Variants in ING5 observed in about 807,000 individuals in gnomAD.
The protein encoded by ING5 is inhibitor of growth family member 5.
Under a neutral mutation model 37.4 loss-of-function variants are expected in ING5, and 17 were observed. That is an observed-to-expected ratio of 0.45 (90% CI 0.31 to 0.68). The LOEUF (loss-of-function observed/expected upper bound fraction) is 0.68. Ranked by LOEUF, ING5 falls within the 30% of genes least tolerant of loss-of-function variation. ING5 has a pLI of 0.05. For synonymous variants in ING5, 123 were observed against 116.6 expected (o/e 1.06, Z -0.36); for missense variants, 233 against 311.9 (o/e 0.75, Z 1.91).
intron 5 of ING5, chr2:241,712,509 T>C (rs908584864): frequency 1.9e-5 from 3 of 155,690 alleles, no homozygotes; most frequent in African/African-American, 7.2e-5. Flanking sequence ...ATATTCATTG[T>C]TAATTATGTG....
At chr2:241,713,815 C>T (rs570558402) in intron 5 of ING5, among the ~76,000 whole-genome samples, 56 of 151,970 alleles carry the variant, frequency 3.7e-4, no homozygotes, top group African/African-American at 1.3e-3. Context: ...ATGGTGAAAC[C>T]CCGTCTCTAC....
At chr2:241,709,074 C>T (rs541368726) in intron 2 of ING5, 142 bp from the exon 3 acceptor site, 105 of 857,160 alleles carry the variant, frequency 1.2e-4, no homozygotes, top group Middle Eastern at 9.7e-4. Flanking sequence ...TGCCCACTTG[C>T]GCTCCCACCA....
upstream of ING5, among the ~76,000 whole-genome samples, chr2:241,698,297 T>C (rs2069659902): frequency 1.3e-5 from 2 of 151,624 alleles, no homozygotes; most frequent in South Asian, 4.2e-4. Context: ...TACAAAAAAT[T>C]AGCCGGGCAT....
At chr2:241,691,580 A>G (rs2069556472) in intron 2 of ING5, among the ~76,000 whole-genome samples, 2 of 152,288 alleles carry the variant, frequency 1.3e-5, no homozygotes, top group East Asian at 3.9e-4. Flanking sequence ...ACGACAGACT[A>G]CCTTAGACTG....
chr2:241,691,772 A>G (rs1333945905), intron 2 of ING5, among the ~76,000 whole-genome samples: 1 of 152,202 alleles, frequency 6.6e-6, no homozygotes, highest in South Asian at 2.1e-4. Flanking sequence ...TATTGAAACC[A>G]TCCCTGGCCA....
rs540865914 is a variant in ING5, at chr2:241,705,951, C to T, written c.109+1227C>T. On this transcript the variant is annotated intron_variant, in intron 2 of 7. Coordinates refer to ENST00000313552, the MANE Select transcript of ING5 (RefSeq NM_032329.6). ...TAGGTACTTTAACACTGAGCCATGC[C>T]ACCTGCTGTGCTTATATGACCTCTT... 4.0e-5 allele frequency among the ~76,000 whole-genome samples: 6 copies of T among 151,446 alleles called. No homozygotes were observed. In the South Asian group the frequency reaches 1.2e-3, roughly 31 times the overall value.
At chr2:241,692,221 A>C (rs978459404) in intron 2 of ING5, among the ~76,000 whole-genome samples, 1 of 152,192 alleles carries the variant, frequency 6.6e-6, no homozygotes, top group Non-Finnish European at 1.5e-5. Context: ...CTCTTGTTAT[A>C]AGATTACAGT....
At chr2:241,689,846 G>A (rs1575112852) in exon 2 of ING5, 1 of 150,856 alleles carries the variant, frequency 6.6e-6, no homozygotes, top group African/African-American at 2.4e-5. Context: ...AGAGGATGAA[G>A]GGGATTGTAG....
chr2:241,708,470 G>A (rs931678569), intron 2 of ING5, among the ~76,000 whole-genome samples: 1 of 152,146 alleles, frequency 6.6e-6, no homozygotes, highest in African/African-American at 2.4e-5. Flanking sequence ...GCCTCCAAAA[G>A]TGCTGGGATT....
chr2:241,687,052 C>G (rs2069443561), upstream of ING5: 2 of 422,780 alleles, frequency 4.7e-6, no homozygotes, highest in East Asian at 7.4e-5. Flanking sequence ...CTCGGGCGAG[C>G]AGGGCCCTTC....
At chr2:241,709,432 C>G in intron 3 of ING5, 50 bp downstream of exon 3, 2 of 1,525,194 alleles carry the variant, frequency 1.3e-6, no homozygotes, top group Non-Finnish European at 1.8e-6. Context: ...CTACTCCTGC[C>G]TCTCATGCAA....
At chr2:241,711,272 A>G (rs1316945819) in intron 3 of ING5, 105 bp from the exon 4 acceptor site, 2 of 708,844 alleles carry the variant, frequency 2.8e-6, no homozygotes, top group Non-Finnish European at 4.4e-6. Flanking sequence ...TTGGAGACTC[A>G]ATTAAAGGGC....
chr2:241,695,442 C>G (rs112646066), intron 2 of ING5, among the ~76,000 whole-genome samples: 3 of 152,300 alleles, frequency 2.0e-5, no homozygotes, highest in African/African-American at 7.2e-5. Flanking sequence ...AATCCCAGCA[C>G]TTTGGGAGGC....
chr2:241,687,572 G>C (rs894479689), exon 1 of ING5: 1 of 374,976 alleles, frequency 2.7e-6, no homozygotes, highest in African/African-American at 2.1e-5. Context: ...CTGTCACCCA[G>C]GCTGGAGTGC....
Position 241,729,075 on chromosome 2 carries a change from A to G in ING5, c.*4044A>G, listed in dbSNP as rs1691726892. 1 of 152,272 alleles carries G rather than the reference A, an allele frequency of 6.6e-6. No homozygotes were observed. Among genetic ancestry groups the G allele is most frequent in the Non-Finnish European group, 1.5e-5 (1 of 68,036 alleles). 9.4% of individuals were successfully genotyped at this position (152,272 alleles called of 1,614,324 possible). A position where few individuals can be genotyped will look rare whatever the true frequency, so the allele number is the denominator to read the frequency against. ...TTAGGTCTTCATGGTTTAGAGTAAA[A>G]CCGTGAGGGATGTTAATTATGGGCA... On this transcript the variant is annotated 3_prime_UTR_variant, in exon 8 of 8. Coordinates refer to ENST00000313552, the MANE Select transcript of ING5 (RefSeq NM_032329.6).
chr2:241,703,255 A>G (rs1363869101), intron 1 of ING5, among the ~76,000 whole-genome samples: 1 of 152,186 alleles, frequency 6.6e-6, no homozygotes, highest in Admixed American at 6.5e-5. Flanking sequence ...GGGAGCTGGG[A>G]AAACACTGGG....
chr2:241,709,482 G>A (rs1183942951), intron 3 of ING5, 100 bp downstream of exon 3: 1 of 1,162,596 alleles, frequency 8.6e-7, no homozygotes, highest in Non-Finnish European at 1.2e-6. Context: ...ATAGCCAAGT[G>A]GAAGGCTGGC....
chr2:241,720,353 C>T, intron 5 of ING5: 9 of 1,201,330 alleles, frequency 7.5e-6, no homozygotes, highest in Non-Finnish European at 9.3e-6. Flanking sequence ...TGCTGGGGAC[C>T]CAGGCGCACG....
At chr2:241,719,777 T>A in intron 5 of ING5, 1 of 1,442,524 alleles carries the variant, frequency 6.9e-7, no homozygotes, top group East Asian at 2.5e-5. Context: ...CACTGTGGCC[T>A]CATGGCTTTT....
Sources: allele counts gnomAD v4.1 joint callset (sites outside exome capture counted in the v4.1 genomes callset), GRCh38; gene constraint gnomAD v4.1.1; transcripts MANE v1.5; gene names NCBI Gene and HGNC (gene_info 2026-07-23, HGNC 2026-07-21).